Variants in PTPN5 observed in about 807,000 individuals in gnomAD.
The protein encoded by PTPN5 is protein tyrosine phosphatase non-receptor type 5.
A neutral mutation model predicts 73.9 loss-of-function variants in PTPN5; 29 were observed. That is an observed-to-expected ratio of 0.39 (90% confidence interval 0.29 to 0.54). The LOEUF (loss-of-function observed/expected upper bound fraction) is 0.54. Ranked by LOEUF, PTPN5 falls within the 20% of genes least tolerant of loss-of-function variation. PTPN5 has a pLI of 0.65. For synonymous variants in PTPN5, 267 were observed against 304.7 expected (o/e 0.88, Z 1.29); for missense variants, 652 against 751.4 (o/e 0.87, Z 1.55).
intron 1 of PTPN5, among the ~76,000 whole-genome samples, chr11:18,782,188 G>A (rs1354964270): frequency 1.3e-5 from 2 of 152,164 alleles, no homozygotes; most frequent in African/African-American, 2.4e-5. Flanking sequence ...TTGGGGGTTA[G>A]TGGGGAAAAC....
At chr11:18,735,110 C>T (rs921275996) in intron 9 of PTPN5, among the ~76,000 whole-genome samples, 18 of 152,182 alleles carry the variant, frequency 1.2e-4, no homozygotes, top group African/African-American at 3.4e-4. Context: ...AGGACCAACA[C>T]GAAGTATCAG....
rs759114689 is a variant in PTPN5 at position 18,765,865 on chromosome 11, G to A, written c.39C>T (p.His13=). Residue 13 remains histidine (H), a synonymous_variant, in exon 3 of 15, where the codon CAC becomes CAT. Transcript: ENST00000358540. ...CCCCTCCCTCGGAGTCATCAGCAGC[G>A]TGGTTCTCTCTCTCACTCCTGCAGC... ...YEGARSEREN[H]AADDSEGGAL... The A allele has an allele frequency of 2.1e-5, 33 of 1,579,104 alleles. 1 individual carries two copies. The highest frequency in any genetic ancestry group is 5.8e-5 in the South Asian group (5 of 86,040).
intron 9 of PTPN5, among the ~76,000 whole-genome samples, chr11:18,736,903 T>A (rs1445440442): frequency 1.3e-5 from 2 of 152,160 alleles, no homozygotes; most frequent in African/African-American, 4.8e-5. Flanking sequence ...GAGGTGAGCA[T>A]CCCTGAATAA....
chr11:18,782,473 C>A (rs1400820203), intron 1 of PTPN5, among the ~76,000 whole-genome samples: 1 of 152,154 alleles, frequency 6.6e-6, no homozygotes, highest in Non-Finnish European at 1.5e-5. Flanking sequence ...GATGATCCAC[C>A]CGTCTTGGCC....
intron 12 of PTPN5, chr11:18,730,650 GGACTT>G (rs1372948879): frequency 6.5e-6 from 1 of 153,840 alleles, no homozygotes; most frequent in Non-Finnish European, 1.4e-5. Flanking sequence ...CCTTGATCTT[GGACTT>G]CCCAGTCTCC....
intron 9 of PTPN5, 36 bp downstream of exon 9, chr11:18,737,844 G>A: frequency 1.3e-6 from 2 of 1,575,700 alleles, no homozygotes; most frequent in Non-Finnish European, 1.7e-6. Context: ...GTGAAGCTGA[G>A]CCTGCCCCCA....
intron 2 of PTPN5, among the ~76,000 whole-genome samples, chr11:18,767,192 T>C (rs1211827716): frequency 6.6e-6 from 1 of 152,220 alleles, no homozygotes; most frequent in Admixed American, 6.5e-5. Flanking sequence ...CTATCCTGCT[T>C]CTTGGACTGG....
chr11:18,733,244 C>G lies in PTPN5; in HGVS notation c.1209G>C (p.Glu403Asp). The change falls in exon 11 of 15, where the codon GAG (glutamate) becomes GAC (aspartate). Residue 403 changes from glutamate to aspartate, a missense_variant. Glu to Asp is a conservative substitution (Grantham distance 45). This residue lies in a region of PTPN5 where 529 missense variants were observed against 573.9 expected (regional missense o/e 0.92). Transcript: ENST00000358540. This position sits in a 1 kb window ranked among gnomAD's most constrained non-coding sequence, Gnocchi z 4.3. ...GGACGGGGGTCCCTACCTCGTTCAT[C>G]TCCTCGATGTTGGTGATCATGACAA... ...PIIVMITNIEEMNEKCTEYWP... is the reference protein window; with the variant it reads ...PIIVMITNIEDMNEKCTEYWP... 1 of 1,612,238 alleles carries G rather than the reference C, an allele frequency of 6.2e-7. No individual in the cohort carries two copies. Among genetic ancestry groups the G allele is most frequent in the African/African-American group, 1.3e-5 (1 of 74,990 alleles).
At chr11:18,749,083 T>C (rs891739848) in intron 3 of PTPN5, among the ~76,000 whole-genome samples, 1 of 152,238 alleles carries the variant, frequency 6.6e-6, no homozygotes, top group Non-Finnish European at 1.5e-5. Flanking sequence ...GCATACGCAA[T>C]TGCATTTGCT....
At chr11:18,770,329 G>A (rs567325115) in intron 2 of PTPN5, among the ~76,000 whole-genome samples, 1 of 152,194 alleles carries the variant, frequency 6.6e-6, no homozygotes, top group South Asian at 2.1e-4. Context: ...CCTGGCAACG[G>A]CTTATTTGCT....
intron 3 of PTPN5, among the ~76,000 whole-genome samples, chr11:18,760,105 GAGCAGGGACCAT>G (rs1850324461): frequency 6.6e-6 from 1 of 152,060 alleles, no homozygotes; most frequent in Non-Finnish European, 1.5e-5. Context: ...AACTCTTTAG[GAGCAGGGACCAT>G]GTCTGTCTTG....
At chr11:18,758,788 C>T (rs564821732) in intron 3 of PTPN5, among the ~76,000 whole-genome samples, 4 of 151,966 alleles carry the variant, frequency 2.6e-5, no homozygotes, top group East Asian at 1.9e-4. Flanking sequence ...GTTAGGAGTA[C>T]GATGGATGTC....
intron 1 of PTPN5, among the ~76,000 whole-genome samples, chr11:18,775,352 T>C (rs1368274397): frequency 6.6e-6 from 1 of 152,186 alleles, no homozygotes; most frequent in African/African-American, 2.4e-5. Context: ...CATGTGATGA[T>C]CACCATTTTT....
At chr11:18,762,129 G>C (rs1427515975) in intron 3 of PTPN5, among the ~76,000 whole-genome samples, 1 of 152,132 alleles carries the variant, frequency 6.6e-6, no homozygotes, top group Non-Finnish European at 1.5e-5. Flanking sequence ...TTTCCACCAA[G>C]AAAGCTCTGA....
chr11:18,734,142 G>A (rs891109342), intron 9 of PTPN5, among the ~76,000 whole-genome samples: 2 of 152,200 alleles, frequency 1.3e-5, no homozygotes, highest in Admixed American at 6.5e-5. Flanking sequence ...AAAGAGATGT[G>A]AAAGTTCTGT....
intron 3 of PTPN5, among the ~76,000 whole-genome samples, chr11:18,751,710 A>C (rs1849896395): frequency 1.3e-5 from 2 of 152,200 alleles, no homozygotes; most frequent in African/African-American, 4.8e-5. Context: ...TTGACATAAG[A>C]AGATTCTGGA....
At chr11:18,736,871 C>T (rs896971561) in intron 9 of PTPN5, among the ~76,000 whole-genome samples, 5 of 152,110 alleles carry the variant, frequency 3.3e-5, no homozygotes, top group East Asian at 3.8e-4. Context: ...GGGCTGGGAT[C>T]GGGGAGGGCA....
At chr11:18,760,439 G>A (rs991560528) in intron 3 of PTPN5, among the ~76,000 whole-genome samples, 6 of 152,204 alleles carry the variant, frequency 3.9e-5, no homozygotes, top group Admixed American at 2.6e-4. Flanking sequence ...TCCTTGGCCC[G>A]AAGGAAGGGT....
intron 1 of PTPN5, among the ~76,000 whole-genome samples, chr11:18,784,804 A>G (rs946105062): frequency 6.6e-6 from 1 of 151,480 alleles, no homozygotes; most frequent in African/African-American, 2.4e-5. Context: ...CCCATGATCT[A>G]TCTTCCTCTC....
Sources: allele counts gnomAD v4.1 joint callset (sites outside exome capture counted in the v4.1 genomes callset), GRCh38; gene constraint gnomAD v4.1.1; regional missense constraint gnomAD v4.1.1; non-coding constraint Gnocchi (gnomAD v3.1); transcripts MANE v1.5; gene names NCBI Gene and HGNC (gene_info 2026-07-23, HGNC 2026-07-21).